The following AFF1 variants were observed in gnomAD, a reference collection of about 807,000 sequenced individuals.
AFF1 encodes the protein ALF transcription elongation factor 1.
AFF1 carries 48 observed loss-of-function variants against 121.7 expected under a neutral mutation model. The ratio of observed to expected loss-of-function variants is 0.39; its 90% CI spans 0.31 to 0.50. AFF1 has a LOEUF of 0.50. AFF1 is among the 20% of genes least tolerant of loss of function. AFF1 has a pLI of 0.76. For missense variants in AFF1, 1,523 were observed against 1,511.7 expected, an observed-to-expected ratio of 1.01 and a Z score of -0.12; for synonymous variants, 613 against 563.0, an observed-to-expected ratio of 1.09 and a Z score of -1.26.
At chr4:86,952,109 C>G (rs1721394957) in intron 2 of AFF1, among the ~76,000 whole-genome samples, 1 of 152,006 alleles carries the variant, frequency 6.6e-6, no homozygotes, top group African/African-American at 2.4e-5. Flanking sequence ...TTCACTGTAT[C>G]TTTATATGTC....
At position 87,108,305 on chromosome 4, in the gene AFF1, C is replaced by G; in HGVS notation, c.1523C>G (p.Pro508Arg). 11 of 1,613,216 alleles carry G rather than the reference C, an allele frequency of 6.8e-6. No homozygotes were observed. Among genetic ancestry groups the G allele is most frequent in the Non-Finnish European group, 9.3e-6 (11 of 1,179,856 alleles). ...GAAGAAAATGAGCCCCTAGAAACCC[C>G]AGCTCCGGAGGTACCGTGTTCCCCC... ...DSEENEPLET[P>R]APEPEPPTTN... Residue 508 changes from proline (P) to arginine (R), a missense_variant, in exon 11 of 21, where the codon CCA becomes CGA. Transcript: ENST00000395146.
chr4:86,945,479 C>T (rs796760177), intron 1 of AFF1, among the ~76,000 whole-genome samples: 6 of 147,138 alleles, frequency 4.1e-5, no homozygotes, highest in African/African-American at 1.5e-4. Flanking sequence ...CATGTGCCAC[C>T]TTGCCCAGCC....
chr4:87,137,434 G>A lies in AFF1; in HGVS notation c.*1733G>A. The A allele has an allele frequency of 4.3e-6, 1 of 231,106 alleles. No individual in the cohort carries two copies. Among genetic ancestry groups the A allele is most frequent in the Non-Finnish European group, 8.6e-6 (1 of 116,586 alleles). 14.3% of individuals were successfully genotyped at this position (231,106 alleles called of 1,614,324 possible). On this transcript the variant is annotated 3_prime_UTR_variant, in exon 21 of 21. Coordinates refer to ENST00000395146, the MANE Select transcript of AFF1 (RefSeq NM_001166693.3). ...GCGATGCTTATCTCTCACAGTGTGA[G>A]TGGTCTGTGTGAGGCTGTTCCTTCA...
Position 86,948,564 on chromosome 4 carries a change from G to A in AFF1, c.31G>A (p.Gly11Ser). Residue 11 changes from glycine to serine, a missense_variant, in exon 2 of 21, where the codon GGC (glycine) becomes AGC (serine). Physicochemically the swap from Gly to Ser is moderately conservative, Grantham distance 56. Coordinates refer to ENST00000395146, the MANE Select transcript of AFF1 (RefSeq NM_001166693.3). ...ATTTACAGAAAGAGTCAACAGCAGTGGCAACAGGTAAGCATAGAATCTATG... is the reference window on the plus strand; with the variant it reads ...ATTTACAGAAAGAGTCAACAGCAGTAGCAACAGGTAAGCATAGAATCTATG... MAFTERVNSS[G>S]NSLYNDDRNL... 2 of 1,536,744 alleles carry A rather than the reference G, an allele frequency of 1.3e-6. No homozygotes were observed. The highest frequency in any genetic ancestry group is 2.4e-5 in the South Asian group (2 of 84,032).
At chr4:87,059,325 A>G (rs1720488380) in intron 4 of AFF1, among the ~76,000 whole-genome samples, 1 of 152,284 alleles carries the variant, frequency 6.6e-6, no homozygotes, top group South Asian at 2.1e-4. Context: ...CACTTCACAC[A>G]CAGAATGTTC....
intron 8 of AFF1, among the ~76,000 whole-genome samples, chr4:87,096,614 A>G (rs943813029): frequency 2.6e-5 from 4 of 151,804 alleles, no homozygotes; most frequent in Non-Finnish European, 4.4e-5. Flanking sequence ...TCACAAACCC[A>G]AATAGCACAC....
At chr4:87,099,479 G>A (rs773389427) in intron 8 of AFF1, among the ~76,000 whole-genome samples, 5 of 152,118 alleles carry the variant, frequency 3.3e-5, no homozygotes, top group Non-Finnish European at 4.4e-5. Context: ...GGGTGACCTC[G>A]GTTACTGCAA....
chr4:86,957,881 AAAAC>A (rs778961567), intron 2 of AFF1, among the ~76,000 whole-genome samples: 57 of 152,176 alleles, frequency 3.7e-4, no homozygotes, highest in African/African-American at 8.7e-4. Flanking sequence ...CATACTTAAA[AAAAC>A]AAACAAACAA....
rs140882176 is a variant in AFF1 at position 87,126,326 on chromosome 4, C to T, written c.2801C>T (p.Ser934Leu). ...GAGGGGAAGGGCTCCAGAAGCTCCT[C>T]GGAGCACAAGGTGAGCAGGGGCGGC... ...RVEGKGSRSSSEHKGSSGDTA... is the reference protein window; with the variant it reads ...RVEGKGSRSSLEHKGSSGDTA... The change falls in exon 14 of 21, where the codon TCG (serine) becomes TTG (leucine). Residue 934 changes from serine to leucine, a missense_variant. By Grantham distance (145) the Ser-to-Leu change is moderately radical. This residue lies in a region of AFF1 where 905 missense variants were observed against 842.5 expected (regional missense o/e 1.07). Coordinates refer to ENST00000395146, the MANE Select transcript of AFF1 (RefSeq NM_001166693.3). The T allele has an allele frequency of 4.1e-5, 66 of 1,613,876 alleles. No homozygotes were observed. Among genetic ancestry groups the T allele is most frequent in the South Asian group, 7.7e-5 (7 of 91,064 alleles).
chr4:86,995,776 G>C (rs1054477787), intron 2 of AFF1, among the ~76,000 whole-genome samples: 5 of 146,738 alleles, frequency 3.4e-5, no homozygotes, highest in African/African-American at 1.0e-4. Flanking sequence ...GCCGCCCATC[G>C]TCTGGGATGT....
At chr4:86,935,947 TGA>T (rs1351117193) in intron 1 of AFF1, 5 of 152,110 alleles carry the variant, frequency 3.3e-5, no homozygotes, top group African/African-American at 1.2e-4. Flanking sequence ...AGCCAGCGAA[TGA>T]GAGGGGAGAG....
At chr4:87,042,722 A>G (rs1319304564) in intron 2 of AFF1, among the ~76,000 whole-genome samples, 2 of 152,264 alleles carry the variant, frequency 1.3e-5, no homozygotes, top group Non-Finnish European at 2.9e-5. Context: ...TAAAACCTTA[A>G]TTAACTAGAA....
intron 14 of AFF1, 34 bp downstream of exon 14, chr4:87,126,370 G>A (rs2149791810): frequency 6.3e-7 from 1 of 1,583,254 alleles, no homozygotes; most frequent in Non-Finnish European, 8.7e-7. Flanking sequence ...TGTAAGATGG[G>A]ATGCATTGCT....
rs1225261084 is a variant in AFF1, at chr4:87,139,369, G to GTTTTC, written c.*3671_*3675dup. 1 of 232,556 alleles carries GTTTTC rather than the reference G, an allele frequency of 4.3e-6. No individual in the cohort carries two copies. The highest frequency in any genetic ancestry group is 5.7e-5 in the Admixed American group (1 of 17,696). The allele number at this position is 232,556 out of a possible 1,614,324, so 14.4% of individuals were successfully genotyped here. On this transcript the variant is annotated 3_prime_UTR_variant, in exon 21 of 21. Transcript: ENST00000395146. ...TTTTTGTTTTGTTTTGTTTTGTTTTGTTTTCTTGTACTTAAACCTGCTTGC... is the reference window on the plus strand; with the variant it reads ...TTTTTGTTTTGTTTTGTTTTGTTTTGTTTTCTTTTCTTGTACTTAAACCTGCTTGC...
chr4:87,077,357 G>A (rs377697793), intron 4 of AFF1, among the ~76,000 whole-genome samples: 1 of 152,114 alleles, frequency 6.6e-6, no homozygotes, highest in East Asian at 1.9e-4. Context: ...GAGCACCAAG[G>A]TGTAAGCTGG....
chr4:87,019,123 G>A (rs1384824742), intron 2 of AFF1, among the ~76,000 whole-genome samples: 1 of 152,158 alleles, frequency 6.6e-6, no homozygotes, highest in Non-Finnish European at 1.5e-5. Context: ...AGCCCATGAA[G>A]GAAAACACAG....
chr4:87,007,177 G>T (rs1726222865), intron 2 of AFF1: 1 of 1,363,362 alleles, frequency 7.3e-7, no homozygotes, highest in Non-Finnish European at 9.4e-7. Context: ...TCGCCGCAGA[G>T]GCCCCAGTGC....
At chr4:87,031,281 T>C (rs1326638571) in intron 2 of AFF1, among the ~76,000 whole-genome samples, 1 of 152,108 alleles carries the variant, frequency 6.6e-6, no homozygotes, top group Non-Finnish European at 1.5e-5. Context: ...GGAGGCCTCT[T>C]TCTCTCTTGG....
intron 2 of AFF1, among the ~76,000 whole-genome samples, chr4:87,010,034 G>A (rs1168783239): frequency 1.3e-5 from 2 of 152,176 alleles, no homozygotes; most frequent in Non-Finnish European, 2.9e-5. Context: ...GGATTAGGCG[G>A]TGTATTCCCA....
Sources: gnomAD v4.1 joint callset for allele counts (sites outside exome capture counted in the v4.1 genomes callset) on GRCh38, gnomAD v4.1.1 for gene constraint, gnomAD v4.1.1 regional missense constraint, MANE v1.5 for transcripts, NCBI Gene and HGNC (gene_info 2026-07-23, HGNC 2026-07-21) for gene names.